The following PLAA variants were observed in gnomAD, a reference collection of about 807,000 sequenced individuals.
The protein encoded by PLAA is phospholipase A2 activating protein, also known as phospholipase A-2-activating protein.
Under a neutral mutation model 84.1 loss-of-function variants are expected in PLAA, and 48 were observed. The observed-to-expected ratio is 0.57, with a 90% CI of 0.45 to 0.73. The LOEUF (loss-of-function observed/expected upper bound fraction) is 0.73. Ranked by LOEUF, PLAA falls within the 30% of genes least tolerant of loss-of-function variation. The probability of loss-of-function intolerance (pLI) is 0.00; values close to 1 mark genes in which losing one functional copy is unlikely to be tolerated. For synonymous variants in PLAA, 392 were observed against 336.6 expected (o/e 1.16, Z -1.80); for missense variants, 903 against 954.7 (o/e 0.95, Z 0.71).
intron 2 of PLAA, among the ~76,000 whole-genome samples, chr9:26,933,788 C>CAAA (rs199939902): frequency 7.0e-4 from 62 of 88,968 alleles, no homozygotes; most frequent in South Asian, 1.2e-3. Context: ...GACTCTGCCT[C>CAAA]AAAAAAAAAA....
At position 26,947,202 on chromosome 9, in the gene PLAA, G is replaced by T; in HGVS notation, c.-157C>A. ...GAGAGCCGGTACGGAAGGGCGGCTG[G>T]GAAGGGGCGCGCCGAGCGGGCCGAG... On this transcript the variant is annotated 5_prime_UTR_variant, in exon 1 of 14. Coordinates refer to ENST00000397292, the MANE Select transcript of PLAA (RefSeq NM_001031689.3). 1 of 847,742 alleles carries T rather than the reference G, an allele frequency of 1.2e-6. No homozygotes were observed. The highest frequency in any genetic ancestry group is 1.7e-6 in the Non-Finnish European group (1 of 583,762). The allele number at this position is 847,742 out of a possible 1,614,324, so 52.5% of individuals were successfully genotyped here. A position where few individuals can be genotyped will look rare whatever the true frequency, so the allele number is the denominator to read the frequency against.
At position 26,926,540 on chromosome 9, in the gene PLAA, C is replaced by CTCT. The variant is rs759952979; in HGVS notation, c.583_585dup (p.Arg195dup). 1 of 1,613,354 alleles carries CTCT rather than the reference C, an allele frequency of 6.2e-7. No homozygotes were observed. The highest frequency in any genetic ancestry group is 1.7e-5 in the Admixed American group (1 of 59,990). ...TCTGTTTCACTCAAAATTGCCAAAC[C>CTCT]TCTTACACAGTCTTCATGCCCTGCA... On this transcript the variant is annotated inframe_insertion, in exon 5 of 14. Coordinates refer to ENST00000397292, the MANE Select transcript of PLAA (RefSeq NM_001031689.3).
intron 12 of PLAA, among the ~76,000 whole-genome samples, chr9:26,909,316 G>T (rs1824328600): frequency 6.6e-6 from 1 of 152,004 alleles, no homozygotes; most frequent in Non-Finnish European, 1.5e-5. Flanking sequence ...ATACCTGTTA[G>T]ATTTTCACAA....
At chr9:26,942,208 C>A (rs1825564396) in intron 1 of PLAA, among the ~76,000 whole-genome samples, 1 of 152,078 alleles carries the variant, frequency 6.6e-6, no homozygotes, top group South Asian at 2.1e-4. Flanking sequence ...AGGTTATGTT[C>A]CAATAAGGCA....
At chr9:26,929,854 G>A (rs563441423) in intron 2 of PLAA, among the ~76,000 whole-genome samples, 22 of 152,228 alleles carry the variant, frequency 1.4e-4, no homozygotes, top group African/African-American at 4.6e-4. Context: ...AAGCTGAATC[G>A]TTGATGACCA....
intron 2 of PLAA, among the ~76,000 whole-genome samples, chr9:26,934,555 T>C (rs1222814608): frequency 1.3e-5 from 2 of 150,074 alleles, no homozygotes; most frequent in East Asian, 4.1e-4. Flanking sequence ...TCTCGGCTCA[T>C]TGTAACCTCT....
At chr9:26,916,072 C>T (rs17694324) in intron 10 of PLAA, 62,570 of 985,238 alleles carry the variant, frequency 0.064, 2,207 homozygotes, top group Middle Eastern at 0.15. Context: ...TATCAATGCA[C>T]ATGGTACAAC....
intron 10 of PLAA, chr9:26,916,186 T>C: frequency 1.0e-6 from 1 of 985,362 alleles, no homozygotes; most frequent in Non-Finnish European, 1.2e-6. Flanking sequence ...TTGTCCAATC[T>C]CTATGACTTA....
At chr9:26,916,425 G>A (rs1824561701) in intron 10 of PLAA, 4 of 986,822 alleles carry the variant, frequency 4.1e-6, no homozygotes, top group Non-Finnish European at 4.8e-6. Context: ...TTGATGCTGA[G>A]GCATGCATAC....
chr9:26,933,722 G>A (rs1247790025), intron 2 of PLAA, among the ~76,000 whole-genome samples: 3 of 146,700 alleles, frequency 2.0e-5, no homozygotes, highest in Admixed American at 6.9e-5. Flanking sequence ...CCGGGAGGCA[G>A]AGCTTGCAGT....
chr9:26,937,414 C>T (rs1825394628), intron 1 of PLAA, among the ~76,000 whole-genome samples: 1 of 151,994 alleles, frequency 6.6e-6, no homozygotes, highest in Non-Finnish European at 1.5e-5. Flanking sequence ...AAACAGCAAA[C>T]CCTGGAAAAG....
At chr9:26,936,720 T>C (rs1274328889) in intron 1 of PLAA, among the ~76,000 whole-genome samples, 1 of 142,532 alleles carries the variant, frequency 7.0e-6, no homozygotes, top group Non-Finnish European at 1.6e-5. Flanking sequence ...ATCTGTTCTC[T>C]GATCACTGAT....
At position 26,946,986 on chromosome 9, in the gene PLAA, G is replaced by A. The variant is rs1395369608; in HGVS notation, c.60C>T (p.Asp20=). The A allele has an allele frequency of 6.3e-6, 10 of 1,594,350 alleles. No homozygotes were observed. Among genetic ancestry groups the A allele is most frequent in the Non-Finnish European group, 8.5e-6 (10 of 1,171,290 alleles). The change falls in exon 1 of 14, where the codon GAC becomes GAT. Residue 20 remains aspartate (D), a synonymous_variant. Transcript: ENST00000397292. ...AGGCGCAGCACACCAGGCCCCGTAC[G>A]TCCAGCTCGTGGCCCCGGAGCGAGC... ...LSCSLRGHEL[D]VRGLVCCAYP... is the part of the protein sequence containing the mutation.
rs200045872 is a variant in PLAA at position 26,920,306 on chromosome 9, C to T, written c.1118G>A (p.Arg373Lys). ...EAYQWSVSEG[R>K]WIKIGDVVGS... is the part of the protein sequence containing the mutation. The stretch of plus-strand genomic sequence containing the variant: ...AACAACATCACCAATTTTTATCCAC[C>T]TCCCTTCACTAACACTCCACTGATA... The change falls in exon 8 of 14, where the codon AGG (arginine) becomes AAG (lysine). Residue 373 changes from arginine to lysine, a missense_variant. Transcript: ENST00000397292. 2 of 1,613,634 alleles carry T rather than the reference C, an allele frequency of 1.2e-6. No individual in the cohort carries two copies. Among genetic ancestry groups the T allele is most frequent in the Non-Finnish European group, 1.7e-6 (2 of 1,179,646 alleles).
chr9:26,943,759 CA>C (rs1232239737), intron 1 of PLAA, among the ~76,000 whole-genome samples: 1 of 151,930 alleles, frequency 6.6e-6, no homozygotes, highest in African/African-American at 2.4e-5. Flanking sequence ...CCAGCCTGGG[CA>C]ATCTAGTAAG....
chr9:26,931,525 T>C (rs564025258), intron 2 of PLAA, among the ~76,000 whole-genome samples: 1 of 152,164 alleles, frequency 6.6e-6, no homozygotes, highest in Non-Finnish European at 1.5e-5. Flanking sequence ...CCTGATGTGA[T>C]ACAATAGAAA....
At chr9:26,923,812 G>T (rs1387984237) in intron 6 of PLAA, among the ~76,000 whole-genome samples, 2 of 152,120 alleles carry the variant, frequency 1.3e-5, no homozygotes, top group Non-Finnish European at 2.9e-5. Flanking sequence ...AAAAAAAATG[G>T]CCTAATGTTT....
intron 1 of PLAA, among the ~76,000 whole-genome samples, chr9:26,941,207 T>A (rs1825525432): frequency 6.6e-6 from 1 of 150,638 alleles, no homozygotes; most frequent in East Asian, 1.9e-4. Flanking sequence ...GATGTGCAGC[T>A]AGACAACCCA....
At chr9:26,942,846 T>TC (rs978265726) in intron 1 of PLAA, among the ~76,000 whole-genome samples, 2 of 122,464 alleles carry the variant, frequency 1.6e-5, no homozygotes, top group African/African-American at 6.5e-5. Flanking sequence ...GCCACTGCAC[T>TC]CCGGCCTGGG....
Sources: allele counts gnomAD v4.1 joint callset (sites outside exome capture counted in the v4.1 genomes callset), GRCh38; gene constraint gnomAD v4.1.1; transcripts MANE v1.5; gene names NCBI Gene and HGNC (gene_info 2026-07-23, HGNC 2026-07-21).